Variants in GRM1 observed in about 807,000 individuals in gnomAD.
The protein encoded by GRM1 is glutamate metabotropic receptor 1.
Under a neutral mutation model 90.9 loss-of-function variants are expected in GRM1, and 33 were observed. The observed-to-expected ratio is 0.36, with a 90% CI of 0.28 to 0.49. The LOEUF is 0.49. Ranked by LOEUF, GRM1 falls within the 20% of genes least tolerant of loss-of-function variation. The probability of loss-of-function intolerance (pLI) is 0.99; values close to 1 mark genes in which losing one functional copy is unlikely to be tolerated. For missense variants in GRM1, 1,190 were observed against 1,534.3 expected, an observed-to-expected ratio of 0.78 and a Z score of 3.75; for synonymous variants, 700 against 613.2, an observed-to-expected ratio of 1.14 and a Z score of -2.09.
intron 2 of GRM1, among the ~76,000 whole-genome samples, chr6:146,302,159 A>C (rs1445582978): frequency 6.6e-6 from 1 of 151,166 alleles, no homozygotes; most frequent in Non-Finnish European, 1.5e-5. Flanking sequence ...AACCTTCTAT[A>C]CCAAACCCTC....
In GRM1 at chr6:146,323,046, G is replaced by A. The variant is rs2065085729; in HGVS notation, c.1186+18200G>A. Reference sequence around the variant, plus strand: ...GTTCCAAGTCTTTGCTATTGTGAATGTCCCGCTATAAACGTACGTGTGCAT... The same window carrying A: ...GTTCCAAGTCTTTGCTATTGTGAATATCCCGCTATAAACGTACGTGTGCAT... On this transcript the variant is annotated intron_variant, in intron 3 of 7. Coordinates refer to ENST00000282753, the MANE Select transcript of GRM1 (RefSeq NM_001278064.2). 2.0e-5 allele frequency among the ~76,000 whole-genome samples: 3 copies of A among 152,048 alleles called. No homozygotes were observed. In the South Asian group the frequency reaches 6.2e-4, roughly 32 times the overall value.
At chr6:146,359,477 TG>T (rs1371878870) in intron 5 of GRM1, among the ~76,000 whole-genome samples, 1 of 152,220 alleles carries the variant, frequency 6.6e-6, no homozygotes, top group Non-Finnish European at 1.5e-5. Flanking sequence ...AGACAATTAC[TG>T]GGAAACAGTT....
At chr6:146,302,155 C>T (rs1380124945) in intron 2 of GRM1, among the ~76,000 whole-genome samples, 6 of 151,594 alleles carry the variant, frequency 4.0e-5, no homozygotes, top group Non-Finnish European at 7.4e-5. Context: ...CAGGAACCTT[C>T]TATACCAAAC....
At chr6:146,145,154 G>A (rs1264534983) in intron 1 of GRM1, among the ~76,000 whole-genome samples, 1 of 152,162 alleles carries the variant, frequency 6.6e-6, no homozygotes, top group Non-Finnish European at 1.5e-5. Context: ...TAATTAAAAG[G>A]GAAGCAGAAT....
intron 3 of GRM1, among the ~76,000 whole-genome samples, chr6:146,310,019 A>G (rs1234330416): frequency 6.6e-6 from 1 of 152,192 alleles, no homozygotes; most frequent in African/African-American, 2.4e-5. Context: ...CCAATTGAGA[A>G]CAGATGGACA....
intron 3 of GRM1, among the ~76,000 whole-genome samples, chr6:146,337,262 G>T (rs1056639856): frequency 6.6e-6 from 1 of 152,128 alleles, no homozygotes; most frequent in Non-Finnish European, 1.5e-5. Context: ...CATGTCCCAG[G>T]TTCTGCCTGG....
intron 1 of GRM1, among the ~76,000 whole-genome samples, chr6:146,114,029 C>T (rs546542731): frequency 6.6e-6 from 1 of 152,226 alleles, no homozygotes; most frequent in South Asian, 2.1e-4. Context: ...TGCATGAACT[C>T]CTCCTACATA....
chr6:146,166,448 G>GT (rs960779321), intron 2 of GRM1, among the ~76,000 whole-genome samples: 2 of 152,046 alleles, frequency 1.3e-5, no homozygotes, highest in Admixed American at 6.6e-5. Flanking sequence ...TTTCAGCTCT[G>GT]TTTTTTTCTT....
intron 6 of GRM1, among the ~76,000 whole-genome samples, chr6:146,395,118 A>G (rs1026909957): frequency 6.6e-6 from 1 of 152,100 alleles, no homozygotes; most frequent in African/African-American, 2.4e-5. Context: ...CCCAAACCAT[A>G]GAGAGCAGAG....
At chr6:146,375,086 T>G (rs1776045692) in intron 5 of GRM1, among the ~76,000 whole-genome samples, 2 of 152,074 alleles carry the variant, frequency 1.3e-5, no homozygotes, top group Admixed American at 6.6e-5. Context: ...TTATAATTCA[T>G]TTCAATAAAT....
chr6:146,215,100 C>A (rs573517107), intron 2 of GRM1, among the ~76,000 whole-genome samples: 1 of 152,174 alleles, frequency 6.6e-6, no homozygotes, highest in Non-Finnish European at 1.5e-5. Context: ...CAAAGTTTGT[C>A]ACTCCATATT....
intron 1 of GRM1, among the ~76,000 whole-genome samples, chr6:146,069,757 G>A (rs1413667311): frequency 6.6e-6 from 1 of 152,180 alleles, no homozygotes; most frequent in Non-Finnish European, 1.5e-5. Context: ...AGCAATCTAT[G>A]TTGTGCCTTT....
chr6:146,434,461 A>C lies in GRM1; in HGVS notation c.3250A>C (p.Thr1084Pro), dbSNP rs760737193. 3 of 1,613,804 alleles carry C rather than the reference A, an allele frequency of 1.9e-6. No individual in the cohort carries two copies. The East Asian group carries it at 6.7e-5, about 36-fold the overall frequency. ...GCAGATGCTGCCGCTGCAGCTGAGC[A>C]CCTTTGGGGAGGAGCTGGTCTCCCC... ...HLQMLPLQLS[T>P]FGEELVSPPA... Residue 1084 changes from threonine to proline, a missense_variant, in exon 8 of 8, where the codon ACC becomes CCC. Physicochemically the swap from Thr to Pro is conservative, Grantham distance 38. Transcript: ENST00000282753.
chr6:146,266,262 T>A (rs1781883206), intron 2 of GRM1, among the ~76,000 whole-genome samples: 1 of 152,170 alleles, frequency 6.6e-6, no homozygotes. Flanking sequence ...TAATCCAGCA[T>A]GAAATGAGCA....
At chr6:146,166,793 C>A (rs533815869) in intron 2 of GRM1, among the ~76,000 whole-genome samples, 1 of 152,232 alleles carries the variant, frequency 6.6e-6, no homozygotes, top group Admixed American at 6.5e-5. Context: ...AGACTCTCTC[C>A]ATAACCACTT....
chr6:146,039,122 T>C (rs79354593), intron 1 of GRM1, among the ~76,000 whole-genome samples: 124 of 152,082 alleles, frequency 8.2e-4, no homozygotes, highest in Admixed American at 2.8e-3. Flanking sequence ...ATTATAGTCT[T>C]CCTTTTAAGA....
chr6:146,229,879 T>C (rs1780383895), intron 2 of GRM1, among the ~76,000 whole-genome samples: 1 of 152,214 alleles, frequency 6.6e-6, no homozygotes, highest in African/African-American at 2.4e-5. Context: ...ACAGGCATTA[T>C]TTCTAAGATC....
At chr6:146,111,571 CT>C (rs1394969289) in intron 1 of GRM1, among the ~76,000 whole-genome samples, 2 of 152,192 alleles carry the variant, frequency 1.3e-5, no homozygotes, top group Non-Finnish European at 2.9e-5. Context: ...GAAGATGATA[CT>C]TTACCTGAAA....
intron 7 of GRM1, among the ~76,000 whole-genome samples, chr6:146,416,219 G>C (rs538355070): frequency 3.1e-3 from 466 of 151,852 alleles, no homozygotes; most frequent in Non-Finnish European, 5.7e-3. Flanking sequence ...TAATATAAAT[G>C]CTGACATAAT....
Sources: gnomAD v4.1 joint callset for allele counts (sites outside exome capture counted in the v4.1 genomes callset) on GRCh38, gnomAD v4.1.1 for gene constraint, MANE v1.5 for transcripts, NCBI Gene and HGNC (gene_info 2026-07-23, HGNC 2026-07-21) for gene names.